Variants in RGS17 observed in about 807,000 individuals in gnomAD.
The protein encoded by RGS17 is regulator of G protein signaling 17, also known as regulator of G-protein signaling 17.
RGS17 carries 12 observed loss-of-function variants against 25.5 expected under a neutral mutation model. That is an observed-to-expected ratio of 0.47 (90% CI 0.30 to 0.76). RGS17 has a LOEUF of 0.76. RGS17 is among the 30% of genes least tolerant of loss of function. The pLI, the probability that RGS17 is intolerant of heterozygous loss-of-function variation, is 0.07. For synonymous variants in RGS17, 71 were observed against 76.9 expected, an observed-to-expected ratio of 0.92 and a Z score of 0.40; for missense variants, 196 against 242.2, an observed-to-expected ratio of 0.81 and a Z score of 1.27.
intron 1 of RGS17, among the ~76,000 whole-genome samples, chr6:153,107,893 T>C (rs1048964047): frequency 2.6e-5 from 4 of 152,224 alleles, no homozygotes; most frequent in Admixed American, 6.5e-5. Context: ...TAATTTCTCA[T>C]TTCTTGCTTC....
At chr6:153,115,164 T>C (rs1562338212) in intron 1 of RGS17, among the ~76,000 whole-genome samples, 2 of 152,238 alleles carry the variant, frequency 1.3e-5, no homozygotes, top group Admixed American at 1.3e-4. Context: ...GATAACGTGA[T>C]TGTATATTTA....
At chr6:153,034,553 T>C (rs918211720) in intron 2 of RGS17, among the ~76,000 whole-genome samples, 1 of 152,156 alleles carries the variant, frequency 6.6e-6, no homozygotes, top group Non-Finnish European at 1.5e-5. Context: ...TTTGTGTACA[T>C]GACTAATCGC....
intron 1 of RGS17, among the ~76,000 whole-genome samples, chr6:153,126,260 G>A (rs1777701469): frequency 6.6e-6 from 1 of 152,186 alleles, no homozygotes; most frequent in Admixed American, 6.5e-5. Flanking sequence ...ATTGGCAACT[G>A]GCAGAAACAA....
chr6:153,092,266 C>CA, intron 1 of RGS17, among the ~76,000 whole-genome samples: 1 of 152,324 alleles, frequency 6.6e-6, no homozygotes, highest in South Asian at 2.1e-4. Flanking sequence ...AAAATGCTGT[C>CA]ATGTTGATAT....
Position 153,009,943 on chromosome 6 carries a change from A to C in RGS17, c.*1631T>G, listed in dbSNP as rs1779113767. 1 of 151,938 alleles carries C rather than the reference A, an allele frequency of 6.6e-6. No homozygotes were observed. The highest frequency in any genetic ancestry group is 1.5e-5 in the Non-Finnish European group (1 of 67,838). 9.4% of individuals were successfully genotyped at this position (151,938 alleles called of 1,614,324 possible). A position where few individuals can be genotyped will look rare whatever the true frequency, so the allele number is the denominator to read the frequency against. ...ATGTTTTAAGTTTATGGAAAAAGAAACTTGTGATGCCAACCTTTCAAGTAA... is the reference window on the plus strand; with the variant it reads ...ATGTTTTAAGTTTATGGAAAAAGAACCTTGTGATGCCAACCTTTCAAGTAA... On this transcript the variant is annotated 3_prime_UTR_variant, in exon 5 of 5. Coordinates refer to ENST00000206262, the MANE Select transcript of RGS17 (RefSeq NM_012419.5).
intron 1 of RGS17, among the ~76,000 whole-genome samples, chr6:153,128,561 T>C (rs766531067): frequency 2.0e-5 from 3 of 152,234 alleles, no homozygotes; most frequent in Non-Finnish European, 4.4e-5. Flanking sequence ...ACTCTGCAAG[T>C]CAACCAGAAT....
At chr6:153,085,688 C>T (rs1296470199) in intron 1 of RGS17, among the ~76,000 whole-genome samples, 1 of 152,192 alleles carries the variant, frequency 6.6e-6, no homozygotes, top group East Asian at 1.9e-4. Flanking sequence ...GTCTGATTCT[C>T]TCCGTAACGA....
At chr6:153,031,169 G>A (rs1240394472) in intron 2 of RGS17, among the ~76,000 whole-genome samples, 1 of 152,074 alleles carries the variant, frequency 6.6e-6, no homozygotes, top group African/African-American at 2.4e-5. Flanking sequence ...ATGATGAGGT[G>A]GACTCCAAAT....
chr6:153,080,080 C>G (rs1276502109), intron 1 of RGS17, among the ~76,000 whole-genome samples: 1 of 152,136 alleles, frequency 6.6e-6, no homozygotes, highest in Non-Finnish European at 1.5e-5. Flanking sequence ...CTTCTGGGTT[C>G]AAGTGATTCT....
rs751328417 is a variant in RGS17 at position 153,126,498 on chromosome 6, TA to T, written c.-26+4625del. On this transcript the variant is annotated intron_variant, in intron 1 of 4. Coordinates refer to ENST00000206262, the MANE Select transcript of RGS17 (RefSeq NM_012419.5). ...CCTTTCCTTGTTTGCTTCTGCCTTT[TA>T]AAAAATTAATATTAGCACTCAAACA... Among the ~76,000 whole-genome samples the T allele has an allele frequency of 3.2e-4, 48 of 152,282 alleles. 7 individuals are homozygous for T. The highest frequency in any genetic ancestry group is 2.1e-3 in the Admixed American group (32 of 15,294).
intron 1 of RGS17, among the ~76,000 whole-genome samples, chr6:153,090,052 T>C (rs1204286440): frequency 6.6e-6 from 1 of 152,204 alleles, no homozygotes; most frequent in Non-Finnish European, 1.5e-5. Flanking sequence ...GTATGAATAA[T>C]CATTTTTTAT....
chr6:153,108,416 A>G (rs1262422426), intron 1 of RGS17, among the ~76,000 whole-genome samples: 2 of 152,158 alleles, frequency 1.3e-5, no homozygotes, highest in Non-Finnish European at 2.9e-5. Context: ...CAAATGGCAG[A>G]AATGGCACAG....
intron 1 of RGS17, among the ~76,000 whole-genome samples, chr6:153,056,712 T>C (rs1318441046): frequency 2.0e-5 from 3 of 152,130 alleles, no homozygotes; most frequent in African/African-American, 4.8e-5. Context: ...TGAATCCCTA[T>C]TTCTATCAAT....
At chr6:153,087,867 C>T (rs1323180403) in intron 1 of RGS17, among the ~76,000 whole-genome samples, 2 of 152,160 alleles carry the variant, frequency 1.3e-5, no homozygotes, top group East Asian at 1.9e-4. Flanking sequence ...ATAATGATCC[C>T]TGCCTTCAAG....
intron 1 of RGS17, among the ~76,000 whole-genome samples, chr6:153,075,082 G>A (rs928905858): frequency 3.9e-5 from 6 of 152,254 alleles, no homozygotes; most frequent in Admixed American, 3.9e-4. Flanking sequence ...ATAGATAAAT[G>A]AGTTCATACA....
At chr6:153,074,911 C>T (rs538671548) in intron 1 of RGS17, among the ~76,000 whole-genome samples, 24 of 152,240 alleles carry the variant, frequency 1.6e-4, no homozygotes, top group African/African-American at 3.9e-4. Flanking sequence ...CACACTTTTA[C>T]GAAAGACTTG....
intron 4 of RGS17, among the ~76,000 whole-genome samples, chr6:153,014,144 G>A (rs562373398): frequency 5.9e-5 from 9 of 152,096 alleles, no homozygotes; most frequent in African/African-American, 1.9e-4. Context: ...AATACTAACT[G>A]GTAACTTTAA....
intron 2 of RGS17, among the ~76,000 whole-genome samples, chr6:153,032,641 T>A (rs1252120686): frequency 4.6e-5 from 7 of 152,052 alleles, no homozygotes; most frequent in Admixed American, 1.3e-4. Flanking sequence ...CTAAGGAATC[T>A]AAAAGGAGTC....
At chr6:153,058,322 A>G (rs979686364) in intron 1 of RGS17, among the ~76,000 whole-genome samples, 1 of 152,176 alleles carries the variant, frequency 6.6e-6, no homozygotes, top group Non-Finnish European at 1.5e-5. Context: ...GGTGGGATGT[A>G]AAGTTTTTGT....
Sources: gnomAD v4.1 joint callset for allele counts (sites outside exome capture counted in the v4.1 genomes callset) on GRCh38, gnomAD v4.1.1 for gene constraint, MANE v1.5 for transcripts, NCBI Gene and HGNC (gene_info 2026-07-23, HGNC 2026-07-21) for gene names.